Variants in ERCC6L observed in about 807,000 individuals in gnomAD.
The protein encoded by ERCC6L is ERCC excision repair 6 like, spindle assembly checkpoint helicase.
In ERCC6L, 7 loss-of-function variants were observed where a neutral mutation model predicts 20.1. The ratio of observed to expected loss-of-function variants is 0.35; its 90% CI spans 0.20 to 0.65. The LOEUF is 0.65. Ranked by LOEUF, ERCC6L falls within the 30% of genes least tolerant of loss-of-function variation. ERCC6L has a pLI of 0.69. For synonymous variants in ERCC6L, 278 were observed against 331.3 expected, an observed-to-expected ratio of 0.84 and a Z score of 1.75; for missense variants, 592 against 892.4, an observed-to-expected ratio of 0.66 and a Z score of 4.29.
intron 1 of ERCC6L, among the ~76,000 whole-genome samples, chrX:72,231,400 T>A (rs1353720131): frequency 9.0e-6 from 1 of 110,977 alleles, no homozygotes; most frequent in Non-Finnish European, 1.9e-5. Flanking sequence ...TACCAGAGGC[T>A]GGGGGGATAG....
chrX:72,207,975 T>G lies in ERCC6L; in HGVS notation c.792A>C (p.Leu264Phe). 8.3e-7 allele frequency: 1 copy of G among 1,211,375 alleles called. No homozygotes were observed. Among genetic ancestry groups the G allele is most frequent in the Non-Finnish European group, 1.1e-6 (1 of 895,350 alleles). The stretch of plus-strand genomic sequence containing the variant: ...AATCAAATAGGGACCATAGTTCTTG[T>G]AAATTATTCTGGATTGGGGTTCCTG... ...LLTGTPIQNN[L>F]QELWSLFDFA... Residue 264 changes from leucine (L) to phenylalanine (F), a missense_variant, in exon 2 of 2, where the codon TTA becomes TTC. Leu to Phe is a conservative substitution (Grantham distance 22). This residue lies in a region of ERCC6L where 196 missense variants were observed against 440.1 expected (regional missense o/e 0.45). Transcript: ENST00000334463.
chrX:72,224,498 G>A (rs1016833223), intron 1 of ERCC6L, among the ~76,000 whole-genome samples: 2 of 111,855 alleles, frequency 1.8e-5, no homozygotes, highest in Admixed American at 9.5e-5. Context: ...TGTAATCACA[G>A]CACTTTGGGA....
chrX:72,233,974 G>A (rs1357744479), intron 1 of ERCC6L, among the ~76,000 whole-genome samples: 1 of 109,210 alleles, frequency 9.2e-6, no homozygotes, highest in Non-Finnish European at 1.9e-5. Context: ...AGCCTGGCGT[G>A]GTAGCAGGTG....
Position 72,206,481 on chromosome X carries a change from A to T in ERCC6L, c.2286T>A (p.His762Gln), listed in dbSNP as rs773634562. Residue 762 changes from histidine to glutamine, a missense_variant, in exon 2 of 2, where the codon CAT (histidine) becomes CAA (glutamine). His to Gln is a conservative substitution (Grantham distance 24). Around this residue, in one of 3 missense-constraint regions of ERCC6L, gnomAD observed 352 missense variants for 402.6 expected, o/e 0.87. Coordinates refer to ENST00000334463, the MANE Select transcript of ERCC6L (RefSeq NM_017669.4). The stretch of plus-strand genomic sequence containing the variant: ...TGGAACTGATATCTTCTTCCTGAGT[A>T]TGATGAGTACTTAGAAGAGGTGAAG... ...PQPSPLLSTH[H>Q]TQEEDISSKM... The T allele has an allele frequency of 1.7e-6, 2 of 1,211,586 alleles. No individual in the cohort carries two copies. The highest frequency in any genetic ancestry group is 2.2e-5 in the Admixed American group (1 of 45,991).
chrX:72,219,150 G>A (rs1380968781), intron 1 of ERCC6L, among the ~76,000 whole-genome samples: 1 of 111,518 alleles, frequency 9.0e-6, no homozygotes, highest in African/African-American at 3.3e-5. Flanking sequence ...CAGCTACTTG[G>A]GAGACTGAGG....
intron 1 of ERCC6L, among the ~76,000 whole-genome samples, chrX:72,212,317 A>G (rs1218597832): frequency 1.8e-5 from 2 of 110,913 alleles, no homozygotes; most frequent in Non-Finnish European, 3.8e-5. Flanking sequence ...CCCCAAAGCT[A>G]TTTCCTCAGA....
intron 1 of ERCC6L, among the ~76,000 whole-genome samples, chrX:72,219,619 G>A (rs939482260): frequency 6.4e-5 from 7 of 110,088 alleles, no homozygotes; most frequent in Admixed American, 1.9e-4. Context: ...AGGCCAAGGC[G>A]GGCAGATCAC....
intron 1 of ERCC6L, among the ~76,000 whole-genome samples, chrX:72,234,039 G>T (rs1314159846): frequency 1.8e-5 from 2 of 110,180 alleles, no homozygotes; most frequent in African/African-American, 6.6e-5. Context: ...GAACCTGGGA[G>T]GCAGAGGTTG....
intron 1 of ERCC6L, among the ~76,000 whole-genome samples, chrX:72,229,323 C>T (rs1175761341): frequency 1.8e-5 from 2 of 111,968 alleles, no homozygotes; most frequent in Admixed American, 9.5e-5. Flanking sequence ...GCAACTGGCT[C>T]GTTTGACAGC....
At position 72,237,668 on chromosome X, in the gene ERCC6L, G is replaced by A. The variant is rs575132108; in HGVS notation, c.68+1176C>T. Among the ~76,000 whole-genome samples, 996 of 108,946 alleles carry A rather than the reference G, an allele frequency of 9.1e-3. 11 individuals carry two copies. Among genetic ancestry groups the A allele is most frequent in the African/African-American group, 0.032 (947 of 29,786 alleles). 94.6% of individuals were successfully genotyped at this position (108,946 alleles called of 115,157 possible). A position where few individuals can be genotyped will look rare whatever the true frequency, so the allele number is the denominator to read the frequency against. On this transcript the variant is annotated intron_variant, in intron 1 of 1. Coordinates refer to ENST00000334463, the MANE Select transcript of ERCC6L (RefSeq NM_017669.4). Reference sequence around the variant, plus strand: ...GGTCCCAGCTACTCCGGAAACAGGTGGGAGGATCGCATGAGCCCCGGGGGA... The same window carrying A: ...GGTCCCAGCTACTCCGGAAACAGGTAGGAGGATCGCATGAGCCCCGGGGGA...
At chrX:72,228,738 G>A (rs893977641) in intron 1 of ERCC6L, among the ~76,000 whole-genome samples, 11 of 110,450 alleles carry the variant, frequency 1.0e-4, no homozygotes, top group African/African-American at 3.6e-4. Context: ...AACCTTTTTC[G>A]CTTTTTGCTT....
intron 1 of ERCC6L, among the ~76,000 whole-genome samples, chrX:72,216,080 G>A (rs902514898): frequency 9.0e-6 from 1 of 110,571 alleles, no homozygotes; most frequent in African/African-American, 3.3e-5. Context: ...ATGTCAACCT[G>A]GAGCCCGTGA....
At chrX:72,234,748 A>G (rs1007292501) in intron 1 of ERCC6L, among the ~76,000 whole-genome samples, 2 of 111,355 alleles carry the variant, frequency 1.8e-5, no homozygotes, top group African/African-American at 6.5e-5. Flanking sequence ...ACACAGAGGG[A>G]ATAATGCTGG....
Position 72,208,295 on chromosome X carries a change from T to C in ERCC6L, c.472A>G (p.Asn158Asp), listed in dbSNP as rs1222803231. 1 of 1,212,114 alleles carries C rather than the reference T, an allele frequency of 8.3e-7. No homozygotes were observed. The highest frequency in any genetic ancestry group is 2.2e-5 in the Admixed American group (1 of 46,076). The change falls in exon 2 of 2, where the codon AAC becomes GAC. Residue 158 changes from asparagine to aspartate, a missense_variant. Physicochemically the swap from Asn to Asp is conservative, Grantham distance 23. This residue lies in a region of ERCC6L where 196 missense variants were observed against 440.1 expected (regional missense o/e 0.45). Transcript: ENST00000334463. ...VLLIMPTNLI[N>D]TWVKEFIKWT... is the part of the protein sequence containing the mutation. The stretch of plus-strand genomic sequence containing the variant: ...TTGATGAATTCTTTTACCCATGTGT[T>C]AATAAGATTGGTTGGCATGATCAGC...
intron 1 of ERCC6L, among the ~76,000 whole-genome samples, chrX:72,223,074 C>A (rs1474439908): frequency 9.6e-6 from 1 of 103,877 alleles, no homozygotes; most frequent in Non-Finnish European, 2.0e-5. Flanking sequence ...CAGTGGCTCA[C>A]GCCTGTAATC....
intron 1 of ERCC6L, among the ~76,000 whole-genome samples, chrX:72,222,024 C>T (rs1268305448): frequency 1.8e-5 from 2 of 109,645 alleles, no homozygotes; most frequent in Non-Finnish European, 3.8e-5. Context: ...CCCTCCACCC[C>T]AGGGGGCCCT....
In ERCC6L at chrX:72,206,462, T is replaced by A. The variant is rs748332306; in HGVS notation, c.2305A>T (p.Ser769Cys). ...ATGACTACACTTGCCATTTTGGAAC[T>A]GATATCTTCTTCCTGAGTATGATGA... is the stretch of plus-strand genomic sequence containing the variant. ...STHHTQEEDISSKMASVVIDD... is the reference protein window; with the variant it reads ...STHHTQEEDICSKMASVVIDD... Residue 769 changes from serine to cysteine, a missense_variant, in exon 2 of 2, where the codon AGT (serine) becomes TGT (cysteine). Transcript: ENST00000334463. 1 of 1,211,207 alleles carries A rather than the reference T, an allele frequency of 8.3e-7. No homozygotes were observed. The highest frequency in any genetic ancestry group is 1.8e-5 in the South Asian group (1 of 56,799).
chrX:72,223,779 C>T (rs1219558002), intron 1 of ERCC6L, among the ~76,000 whole-genome samples: 3 of 111,580 alleles, frequency 2.7e-5, no homozygotes, highest in Non-Finnish European at 5.7e-5. Flanking sequence ...ACAAAAGCCT[C>T]CAGACAACCC....
At chrX:72,209,605 C>T (rs1602438342) in intron 1 of ERCC6L, among the ~76,000 whole-genome samples, 1 of 111,351 alleles carries the variant, frequency 9.0e-6, no homozygotes, top group East Asian at 2.9e-4. Context: ...AAGTTATAAC[C>T]ACCTTCTTTC....
Sources: gnomAD v4.1 joint callset for allele counts (sites outside exome capture counted in the v4.1 genomes callset) on GRCh38, gnomAD v4.1.1 for gene constraint, gnomAD v4.1.1 regional missense constraint, MANE v1.5 for transcripts, NCBI Gene and HGNC (gene_info 2026-07-23, HGNC 2026-07-21) for gene names.